Variants in PRKCQ observed in about 807,000 individuals in gnomAD.
PRKCQ encodes protein kinase C theta type.
In PRKCQ, 41 loss-of-function variants were observed where a neutral mutation model predicts 91.2. The ratio of observed to expected loss-of-function variants is 0.45; its 90% CI spans 0.35 to 0.58. PRKCQ has a LOEUF of 0.58. PRKCQ is among the 20% of genes least tolerant of loss of function. The probability of loss-of-function intolerance (pLI) is 0.00; values close to 1 mark genes in which losing one functional copy is unlikely to be tolerated. For synonymous variants in PRKCQ, 307 were observed against 316.9 expected, an observed-to-expected ratio of 0.97 and a Z score of 0.33; for missense variants, 673 against 896.5, an observed-to-expected ratio of 0.75 and a Z score of 3.18.
intron 1 of PRKCQ, among the ~76,000 whole-genome samples, chr10:6,543,596 G>A (rs1588404390): frequency 6.6e-6 from 1 of 152,128 alleles, no homozygotes; most frequent in African/African-American, 2.4e-5. Context: ...GTTACCTAAG[G>A]AAAGCAAACA....
intron 15 of PRKCQ, among the ~76,000 whole-genome samples, chr10:6,456,054 G>C (rs568103378): frequency 3.5e-4 from 54 of 152,214 alleles, no homozygotes; most frequent in Middle Eastern, 3.4e-3. Context: ...CTGTGAAAAG[G>C]GGGGAGGTGG....
intron 12 of PRKCQ, among the ~76,000 whole-genome samples, chr10:6,467,600 A>G (rs1835759687): frequency 6.6e-6 from 1 of 152,192 alleles, no homozygotes; most frequent in African/African-American, 2.4e-5. Flanking sequence ...GGGATGGGAC[A>G]TGCCAAACGC....
At chr10:6,473,825 G>A (rs1836124117) in intron 12 of PRKCQ, among the ~76,000 whole-genome samples, 1 of 152,058 alleles carries the variant, frequency 6.6e-6, no homozygotes, top group African/African-American at 2.4e-5. Context: ...ATACCAGGAT[G>A]ACATACTTTT....
chr10:6,541,613 G>A (rs953333655), intron 1 of PRKCQ, among the ~76,000 whole-genome samples: 1 of 152,040 alleles, frequency 6.6e-6, no homozygotes, highest in African/African-American at 2.4e-5. Flanking sequence ...CATTAGTCTG[G>A]GGACTCTACA....
rs1269588256 is a variant in PRKCQ, at chr10:6,441,900, A to C, written c.1829T>G (p.Leu610Arg). ...RWLEKEAKDL[L>R]VKLFVREPEK... ...CTTGGCTTCGCTTCTTACCTTCACC[A>C]GAAGGTCCTTTGCTTCCTTCTCCAG... is the stretch of plus-strand genomic sequence containing the variant. Residue 610 changes from leucine to arginine, a missense_variant, in exon 16 of 18, where the codon CTG (leucine) becomes CGG (arginine). Transcript: ENST00000263125. 1 of 1,602,844 alleles carries C rather than the reference A, an allele frequency of 6.2e-7. No individual in the cohort carries two copies. The highest frequency in any genetic ancestry group is 8.5e-7 in the Non-Finnish European group (1 of 1,170,812).
At chr10:6,460,894 TAC>T (rs568171092) in intron 14 of PRKCQ, among the ~76,000 whole-genome samples, 9 of 93,848 alleles carry the variant, frequency 9.6e-5, no homozygotes, top group Non-Finnish European at 1.3e-4. Flanking sequence ...CATCCATCCA[TAC>T]CCATCCATCC....
chr10:6,552,198 A>G (rs1840213484), intron 1 of PRKCQ, among the ~76,000 whole-genome samples: 1 of 152,102 alleles, frequency 6.6e-6, no homozygotes. Flanking sequence ...AGCTATTTAT[A>G]GTTTTTCAAG....
the PRKCQ span, among the ~76,000 whole-genome samples, chr10:6,407,523 T>A: frequency 1.3e-4 from 19 of 151,536 alleles, no homozygotes; most frequent in African/African-American, 4.6e-4. This position sits in a 1 kb window ranked among gnomAD's most constrained non-coding sequence, Gnocchi z 4.0. Flanking sequence ...GTTTGTGTCA[T>A]GTGTATGGTG....
intron 16 of PRKCQ, among the ~76,000 whole-genome samples, chr10:6,440,577 G>T (rs1292269208): frequency 6.6e-6 from 1 of 152,184 alleles, no homozygotes; most frequent in Non-Finnish European, 1.5e-5. Flanking sequence ...GAATGGAAGA[G>T]AACAAGAACA....
At chr10:6,473,063 T>A (rs192371887) in intron 12 of PRKCQ, among the ~76,000 whole-genome samples, 12 of 152,322 alleles carry the variant, frequency 7.9e-5, no homozygotes, top group Non-Finnish European at 2.9e-5. Flanking sequence ...CCTTTTCCTT[T>A]TTTTGTCCTA....
At chr10:6,549,880 C>T (rs1840115082) in intron 1 of PRKCQ, among the ~76,000 whole-genome samples, 1 of 152,236 alleles carries the variant, frequency 6.6e-6, no homozygotes, top group East Asian at 1.9e-4. Context: ...AATCTGGCCA[C>T]CTCGGCCTCC....
downstream of PRKCQ, among the ~76,000 whole-genome samples, chr10:6,424,951 C>G (rs538026838): frequency 1.9e-4 from 29 of 152,252 alleles, no homozygotes; most frequent in Non-Finnish European, 3.1e-4. Flanking sequence ...TGGAGGGGAA[C>G]TGGGAGTGGT....
chr10:6,494,359 C>A lies in PRKCQ; in HGVS notation c.661-2547G>T, dbSNP rs1837476754. ...TCTCCCTGGCCACGGGAGCACTTGC[C>A]ATCCTTGGGGTCTCATTTCCCAGCC... On this transcript the variant is annotated intron_variant, in intron 7 of 17. Transcript: ENST00000263125. Among the ~76,000 whole-genome samples the A allele has an allele frequency of 2.0e-5, 3 of 152,210 alleles. No homozygotes were observed. The South Asian group carries it at 6.2e-4, about 32-fold the overall frequency.
At chr10:6,515,635 C>T (rs770109126) in intron 1 of PRKCQ, 6 of 477,172 alleles carry the variant, frequency 1.3e-5, no homozygotes, top group African/African-American at 8.5e-5. Flanking sequence ...CCAAGGCATT[C>T]GGCAGCTGAT....
At chr10:6,411,595 G>A in the PRKCQ span, among the ~76,000 whole-genome samples, 1 of 152,230 alleles carries the variant, frequency 6.6e-6, no homozygotes, top group East Asian at 1.9e-4. Flanking sequence ...ACCCTGTTCT[G>A]TAAGTAAAGT....
At chr10:6,492,999 G>GA (rs1837406136) in intron 7 of PRKCQ, among the ~76,000 whole-genome samples, 1 of 152,040 alleles carries the variant, frequency 6.6e-6, no homozygotes, top group African/African-American at 2.4e-5. Context: ...TTTCAACCAA[G>GA]AAAAAAATAA....
intron 1 of PRKCQ, among the ~76,000 whole-genome samples, chr10:6,563,500 T>C (rs950360708): frequency 1.3e-5 from 2 of 152,112 alleles, no homozygotes; most frequent in African/African-American, 2.4e-5. Flanking sequence ...CGATTTCTCT[T>C]ACATCGAATC....
At chr10:6,468,555 C>G (rs1462846389) in intron 12 of PRKCQ, among the ~76,000 whole-genome samples, 10 of 151,960 alleles carry the variant, frequency 6.6e-5, no homozygotes, top group Non-Finnish European at 1.5e-4. Flanking sequence ...AAATATCATG[C>G]AAATAAGATC....
chr10:6,540,468 A>G (rs928975869), intron 1 of PRKCQ, among the ~76,000 whole-genome samples: 1 of 152,208 alleles, frequency 6.6e-6, no homozygotes, highest in Non-Finnish European at 1.5e-5. Flanking sequence ...GGAACCTCGT[A>G]TAAGTGGAGT....
Sources: allele counts gnomAD v4.1 joint callset (sites outside exome capture counted in the v4.1 genomes callset), GRCh38; gene constraint gnomAD v4.1.1; non-coding constraint Gnocchi (gnomAD v3.1); transcripts MANE v1.5; gene names NCBI Gene and HGNC (gene_info 2026-07-23, HGNC 2026-07-21).